The following SNX29 variants were observed in gnomAD, a reference collection of about 807,000 sequenced individuals.
SNX29 encodes the protein sorting nexin 29.
Under a neutral mutation model 102.1 loss-of-function variants are expected in SNX29, and 78 were observed. The observed-to-expected ratio is 0.76, with a 90% CI of 0.64 to 0.92. The LOEUF is 0.92. Among genes scored for constraint, SNX29 ranks in the 40% least tolerant of loss-of-function variants. The pLI is 0.00. For synonymous variants in SNX29, 580 were observed against 414.5 expected (o/e 1.40, Z -4.85); for missense variants, 1,280 against 1,061.7 (o/e 1.21, Z -2.86).
chr16:12,189,157 C>G (rs1455706010), intron 13 of SNX29, among the ~76,000 whole-genome samples: 2 of 152,162 alleles, frequency 1.3e-5, no homozygotes, highest in East Asian at 3.8e-4. Context: ...TAATGTGTTT[C>G]CTACAAGCAA....
At chr16:12,402,037 G>T (rs1458866394) in intron 17 of SNX29, among the ~76,000 whole-genome samples, 1 of 152,224 alleles carries the variant, frequency 6.6e-6, no homozygotes, top group African/African-American at 2.4e-5. Flanking sequence ...GCCTGACACA[G>T]AAATGAAAGG....
Position 11,976,801 on chromosome 16 carries a change from G to A in SNX29, c.-6G>A. Reference sequence around the variant, plus strand: ...CGGCGCAGGCACCGGCCCGGGGAGAGGCACCATGAGCGGTGAGTGGCGGCC... The same window carrying A: ...CGGCGCAGGCACCGGCCCGGGGAGAAGCACCATGAGCGGTGAGTGGCGGCC... On this transcript the variant is annotated 5_prime_UTR_variant, in exon 1 of 21. Transcript: ENST00000566228. 1 of 1,379,020 alleles carries A rather than the reference G, an allele frequency of 7.3e-7. No homozygotes were observed. The highest frequency in any genetic ancestry group is 9.4e-7 in the Non-Finnish European group (1 of 1,065,642). The allele number at this position is 1,379,020 out of a possible 1,614,324, so 85.4% of individuals were successfully genotyped here. A position where few individuals can be genotyped will look rare whatever the true frequency, so the allele number is the denominator to read the frequency against.
At chr16:12,356,305 T>C (rs1190382965) in intron 16 of SNX29, 26 bp downstream of exon 16, 1 of 1,556,610 alleles carries the variant, frequency 6.4e-7, no homozygotes, top group South Asian at 1.2e-5. Flanking sequence ...ACCCTGTGTG[T>C]CTGTCAAGCC....
chr16:12,284,260 C>T (rs951146733), intron 15 of SNX29, among the ~76,000 whole-genome samples: 1 of 152,232 alleles, frequency 6.6e-6, no homozygotes, highest in Non-Finnish European at 1.5e-5. Flanking sequence ...CACTTACTGC[C>T]GTATGTTCCT....
At chr16:12,469,227 C>T (rs995520260) in intron 18 of SNX29, among the ~76,000 whole-genome samples, 2 of 152,204 alleles carry the variant, frequency 1.3e-5, no homozygotes, top group African/African-American at 4.8e-5. Context: ...AGTCGTTTTT[C>T]TTGGGCCAAG....
chr16:12,044,063 AG>A (rs1381707357), intron 5 of SNX29, among the ~76,000 whole-genome samples: 1 of 152,108 alleles, frequency 6.6e-6, no homozygotes, highest in East Asian at 1.9e-4. Flanking sequence ...CATGGCCATT[AG>A]TTTTGCTCTG....
At chr16:12,002,891 G>A (rs942683226) in intron 2 of SNX29, 100 bp from the exon 3 acceptor site, 14 of 1,347,066 alleles carry the variant, frequency 1.0e-5, no homozygotes, top group Non-Finnish European at 1.3e-5. Context: ...TTCTGGTCCC[G>A]TGTCCCCTCC....
At chr16:12,540,797 C>G (rs989967181) in intron 20 of SNX29, among the ~76,000 whole-genome samples, 2 of 152,176 alleles carry the variant, frequency 1.3e-5, no homozygotes, top group Non-Finnish European at 2.9e-5. Flanking sequence ...GAGGACTGCT[C>G]AAGGCTGAGG....
chr16:12,079,108 G>C (rs1229373629), intron 11 of SNX29, among the ~76,000 whole-genome samples, 193 bp downstream of exon 11: 1 of 152,260 alleles, frequency 6.6e-6, no homozygotes, highest in Admixed American at 6.5e-5. Flanking sequence ...GCTTGGGCGT[G>C]TGCGCGCTAA....
intron 18 of SNX29, among the ~76,000 whole-genome samples, chr16:12,432,993 T>G (rs1210117573): frequency 6.6e-6 from 1 of 152,032 alleles, no homozygotes; most frequent in Non-Finnish European, 1.5e-5. Context: ...GGTGAGGGTG[T>G]GGGTAGAGGT....
intron 19 of SNX29, among the ~76,000 whole-genome samples, chr16:12,484,032 T>G (rs36123088): frequency 0.01 from 1,598 of 152,330 alleles, 20 homozygotes; most frequent in African/African-American, 0.036. Context: ...ACTGAGATAG[T>G]AAGAGCACAG....
At chr16:12,044,334 G>A (rs1340527554) in intron 5 of SNX29, among the ~76,000 whole-genome samples, 2 of 152,114 alleles carry the variant, frequency 1.3e-5, no homozygotes, top group African/African-American at 4.8e-5. Flanking sequence ...TACTGGTAAT[G>A]TCTCAGATCT....
intron 11 of SNX29, among the ~76,000 whole-genome samples, chr16:12,108,914 C>T (rs544013241): frequency 8.9e-4 from 135 of 151,902 alleles, no homozygotes; most frequent in South Asian, 6.3e-3. Flanking sequence ...GTGGATCACA[C>T]GGCAGGAGTT....
At chr16:12,268,598 C>T (rs1017674153) in intron 14 of SNX29, among the ~76,000 whole-genome samples, 1 of 152,184 alleles carries the variant, frequency 6.6e-6, no homozygotes, top group South Asian at 2.1e-4. Context: ...TCCTTCGGAA[C>T]TGTAAAGTGT....
chr16:12,481,620 C>T (rs2087940076), intron 19 of SNX29, among the ~76,000 whole-genome samples: 1 of 151,760 alleles, frequency 6.6e-6, no homozygotes, highest in Admixed American at 6.6e-5. Flanking sequence ...CAGCAACCTC[C>T]GTCTCCTGGG....
chr16:12,255,278 C>T (rs1436768836), intron 14 of SNX29, among the ~76,000 whole-genome samples: 1 of 152,110 alleles, frequency 6.6e-6, no homozygotes, highest in Non-Finnish European at 1.5e-5. Flanking sequence ...TCACTGCCAC[C>T]TCTGCTTCCC....
intron 17 of SNX29, among the ~76,000 whole-genome samples, chr16:12,402,965 A>G (rs1263942950): frequency 2.0e-5 from 3 of 152,150 alleles, no homozygotes; most frequent in Admixed American, 6.5e-5. Context: ...CTGATCTTAA[A>G]ATGGGCTCAG....
At chr16:12,186,419 C>G (rs2076511298) in intron 13 of SNX29, among the ~76,000 whole-genome samples, 5 of 152,144 alleles carry the variant, frequency 3.3e-5, no homozygotes, top group Admixed American at 3.3e-4. Flanking sequence ...GAATTAGTTG[C>G]AAACATCATG....
intron 20 of SNX29, among the ~76,000 whole-genome samples, chr16:12,557,161 T>G (rs12444976): frequency 1.3e-5 from 2 of 151,956 alleles, no homozygotes; most frequent in Non-Finnish European, 2.9e-5. Context: ...AATTTCCATT[T>G]TGGCTATGTT....
Sources: allele counts gnomAD v4.1 joint callset (sites outside exome capture counted in the v4.1 genomes callset), GRCh38; gene constraint gnomAD v4.1.1; transcripts MANE v1.5; gene names NCBI Gene and HGNC (gene_info 2026-07-23, HGNC 2026-07-21).